DNAH14: variants seen among roughly 807,000 people sequenced by gnomAD.
DNAH14 encodes the protein axonemal beta dynein heavy chain 14.
In DNAH14, 478 loss-of-function variants were observed where a neutral mutation model predicts 520.9. That is an observed-to-expected ratio of 0.92 (90% CI 0.85 to 0.99). The LOEUF (loss-of-function observed/expected upper bound fraction) is 0.99, where lower values mean the gene tolerates loss of function less well. DNAH14 is among the 50% of genes least tolerant of loss of function. DNAH14 has a pLI of 0.00. For missense variants in DNAH14, 4,831 were observed against 5,234.5 expected (o/e 0.92, Z 2.38); for synonymous variants, 1,581 against 1,757.2 (o/e 0.90, Z 2.51).
chr1:225,015,112 A>T (rs1328514436), intron 10 of DNAH14, among the ~76,000 whole-genome samples: 2 of 152,092 alleles, frequency 1.3e-5, no homozygotes, highest in Non-Finnish European at 2.9e-5. Flanking sequence ...AAGCATAGAC[A>T]CTTCTGCTTG....
At chr1:225,073,430 T>C (rs1432474419) in intron 17 of DNAH14, among the ~76,000 whole-genome samples, 1 of 151,808 alleles carries the variant, frequency 6.6e-6, no homozygotes, top group Non-Finnish European at 1.5e-5. Context: ...GGAGGTTCCA[T>C]CCAACGACAA....
chr1:225,101,155 C>CTT (rs565774205), intron 23 of DNAH14, among the ~76,000 whole-genome samples: 2 of 147,192 alleles, frequency 1.4e-5, no homozygotes, highest in African/African-American at 2.5e-5. Context: ...GATATCCTAT[C>CTT]TTTTTTTTTT....
intron 7 of DNAH14, among the ~76,000 whole-genome samples, chr1:224,973,313 T>C (rs2061611355): frequency 7.7e-6 from 1 of 129,924 alleles, no homozygotes; most frequent in African/African-American, 3.9e-5. Context: ...ATCCCCACTA[T>C]TTTCCCACTA....
At chr1:225,393,121 A>G (rs1460898779) in intron 84 of DNAH14, among the ~76,000 whole-genome samples, 1 of 152,264 alleles carries the variant, frequency 6.6e-6, no homozygotes, top group Non-Finnish European at 1.5e-5. Context: ...TGGTTTAAAG[A>G]TTTGAAAAAA....
chr1:224,964,725 T>C (rs1398047683), intron 5 of DNAH14, 116 bp downstream of exon 5: 2 of 928,430 alleles, frequency 2.2e-6, no homozygotes, highest in Non-Finnish European at 3.0e-6. Context: ...AATATCAAGT[T>C]ACAATTATTT....
intron 25 of DNAH14, 116 bp from the exon 26 acceptor site, chr1:225,119,104 T>G: frequency 1.5e-6 from 1 of 650,642 alleles, no homozygotes; most frequent in Non-Finnish European, 2.4e-6. Flanking sequence ...TAGTAGTCCT[T>G]TGGCCCATGA....
At chr1:224,994,233 A>G (rs969851702) in intron 8 of DNAH14, among the ~76,000 whole-genome samples, 6 of 151,858 alleles carry the variant, frequency 4.0e-5, no homozygotes, top group African/African-American at 1.2e-4. Flanking sequence ...TTTTTTATGA[A>G]TTTTCTGTCT....
intron 9 of DNAH14, among the ~76,000 whole-genome samples, chr1:225,004,803 T>A (rs1452795373): frequency 2.0e-5 from 3 of 152,158 alleles, no homozygotes; most frequent in Admixed American, 2.0e-4. Flanking sequence ...CAGATGCCAA[T>A]GAAGACTGAC....
chr1:224,956,527 T>G (rs993617734), intron 3 of DNAH14, among the ~76,000 whole-genome samples: 5 of 152,140 alleles, frequency 3.3e-5, no homozygotes, highest in African/African-American at 9.7e-5. Context: ...AGCCTTGGTG[T>G]GTACTAGGCC....
rs570223880 is a variant in DNAH14, at chr1:225,013,897, G to A, written c.1107+6353G>A. ...GGATCTTAGCTTGCTGGGCTCCTTG[G>A]GGGTGGGATCTGTTGAGCAAGACCA... On this transcript the variant is annotated intron_variant, in intron 10 of 85. Coordinates refer to ENST00000682510, the MANE Select transcript of DNAH14 (RefSeq NM_001367479.1). 4.6e-5 allele frequency among the ~76,000 whole-genome samples: 7 copies of A among 152,258 alleles called. No homozygotes were observed. In the South Asian group the frequency reaches 1.2e-3, roughly 27 times the overall value.
chr1:224,957,069 T>G (rs754238651), intron 3 of DNAH14, among the ~76,000 whole-genome samples: 13 of 152,104 alleles, frequency 8.5e-5, no homozygotes, highest in Non-Finnish European at 1.5e-4. Flanking sequence ...TTTGTAAAGA[T>G]CACTCTGGCT....
At chr1:225,129,572 A>C (rs191929756) in intron 27 of DNAH14, among the ~76,000 whole-genome samples, 1 of 152,352 alleles carries the variant, frequency 6.6e-6, no homozygotes, top group Non-Finnish European at 1.5e-5. Flanking sequence ...TGTGGAAAGG[A>C]TTCCCTATTT....
chr1:225,002,846 A>G lies in DNAH14; in HGVS notation c.894A>G (p.Ile298Met), dbSNP rs1379528007. The part of the protein sequence containing the change: ...DDLFQTCLVY[I>M]RGLCEDAINL... ...TGTTTCAAACCTGTTTGGTTTATATAAGAGGACTTTGTGAAGATGCAATTA... is the reference window on the plus strand; with the variant it reads ...TGTTTCAAACCTGTTTGGTTTATATGAGAGGACTTTGTGAAGATGCAATTA... Residue 298 changes from isoleucine to methionine, a missense_variant, in exon 9 of 86, where the codon ATA becomes ATG. By Grantham distance (10) the Ile-to-Met change is conservative. Coordinates refer to ENST00000682510, the MANE Select transcript of DNAH14 (RefSeq NM_001367479.1). The G allele has an allele frequency of 6.5e-7, 1 of 1,549,784 alleles. No homozygotes were observed. The highest frequency in any genetic ancestry group is 8.7e-7 in the Non-Finnish European group (1 of 1,145,878).
intron 27 of DNAH14, among the ~76,000 whole-genome samples, chr1:225,133,620 TC>T (rs1226188588): frequency 1.3e-5 from 2 of 152,216 alleles, no homozygotes; most frequent in Non-Finnish European, 2.9e-5. Context: ...GCTGTTTTGG[TC>T]ACTGTAGCCT....
intron 1 of DNAH14, among the ~76,000 whole-genome samples, chr1:224,937,337 G>A (rs191438085): frequency 6.6e-6 from 1 of 151,928 alleles, no homozygotes; most frequent in East Asian, 1.9e-4. Flanking sequence ...TGATAGAACT[G>A]ATAAATGAAT....
intron 27 of DNAH14, among the ~76,000 whole-genome samples, chr1:225,127,868 A>T (rs928405941): frequency 6.6e-6 from 1 of 152,130 alleles, no homozygotes; most frequent in African/African-American, 2.4e-5. Context: ...TTCCATGTTT[A>T]GTGCTTCCTT....
chr1:225,253,970 A>G (rs2092648440), intron 44 of DNAH14, among the ~76,000 whole-genome samples: 1 of 152,110 alleles, frequency 6.6e-6, no homozygotes, highest in Non-Finnish European at 1.5e-5. Context: ...TGGTTATGTG[A>G]CCAGATTAGA....
At chr1:225,131,794 A>C (rs1327542254) in intron 27 of DNAH14, among the ~76,000 whole-genome samples, 1 of 152,214 alleles carries the variant, frequency 6.6e-6, no homozygotes. Flanking sequence ...TAAAACAAAA[A>C]TTGGCAGTTC....
Position 225,389,815 on chromosome 1 carries a change from C to A in DNAH14, c.13272C>A (p.Asn4424Lys). The A allele has an allele frequency of 4.5e-6, 7 of 1,551,746 alleles. No homozygotes were observed. The highest frequency in any genetic ancestry group is 1.7e-4 in the Middle Eastern group (1 of 5,994). Reference sequence around the variant, plus strand: ...GCAAACACCCTGAGGATTCAGAGAACAATTTCTTTGAAGGGTTTCCTTCAA... The same window carrying A: ...GCAAACACCCTGAGGATTCAGAGAAAAATTTCTTTGAAGGGTTTCCTTCAA... The part of the protein sequence containing the change: ...QKCKHPEDSE[N>K]NFFEGFPSRY... Residue 4424 changes from asparagine (N) to lysine (K), a missense_variant, in exon 83 of 86, where the codon AAC becomes AAA. Coordinates refer to ENST00000682510, the MANE Select transcript of DNAH14 (RefSeq NM_001367479.1).
Sources: gnomAD v4.1 joint callset for allele counts (sites outside exome capture counted in the v4.1 genomes callset) on GRCh38, gnomAD v4.1.1 for gene constraint, MANE v1.5 for transcripts, NCBI Gene and HGNC (gene_info 2026-07-23, HGNC 2026-07-21) for gene names.